Variants in PTPRN2 observed in about 807,000 individuals in gnomAD.
PTPRN2 encodes protein tyrosine phosphatase receptor type N2, also known as receptor-type tyrosine-protein phosphatase N2.
PTPRN2 carries 74 observed loss-of-function variants against 118.8 expected under a neutral mutation model. That is an observed-to-expected ratio of 0.62 (90% CI 0.52 to 0.76). The LOEUF is 0.76. Among genes scored for constraint, PTPRN2 ranks in the 30% least tolerant of loss-of-function variants. PTPRN2 has a pLI of 0.00. For missense variants in PTPRN2, 1,481 were observed against 1,394.4 expected (o/e 1.06, Z -0.99); for synonymous variants, 641 against 608.0 (o/e 1.05, Z -0.80).
At chr7:157,914,696 C>G (rs1331702733) in intron 11 of PTPRN2, among the ~76,000 whole-genome samples, 1 of 151,998 alleles carries the variant, frequency 6.6e-6, no homozygotes, top group Non-Finnish European at 1.5e-5. Flanking sequence ...TGCTGGAACA[C>G]TTATGAATCG....
At chr7:158,420,916 T>C (rs892020075) in intron 2 of PTPRN2, among the ~76,000 whole-genome samples, 5 of 152,220 alleles carry the variant, frequency 3.3e-5, no homozygotes, top group Admixed American at 1.3e-4. Context: ...CGGTTGTGGC[T>C]TACAGACGCC....
rs538127637 is a variant in PTPRN2 at position 158,102,185 on chromosome 7, C to A, written c.1643+8644G>T. ...ATGGCAGCCATCAGCAGCAGGGCGG[C>A]CAGGAGGGAACCTTCAGAAAACACT... On this transcript the variant is annotated intron_variant, in intron 10 of 22. Transcript: ENST00000389418. 8.5e-5 allele frequency among the ~76,000 whole-genome samples: 13 copies of A among 152,314 alleles called. No individual in the cohort carries two copies. The South Asian group carries it at 2.7e-3, about 32-fold the overall frequency.
intron 1 of PTPRN2, among the ~76,000 whole-genome samples, chr7:158,491,094 T>C (rs1317089144): frequency 2.0e-5 from 3 of 152,178 alleles, no homozygotes; most frequent in Non-Finnish European, 2.9e-5. Context: ...CTAAAACCCT[T>C]ACAGAGGAAG....
chr7:158,008,111 CTGTGTG>C (rs200139943), intron 11 of PTPRN2, among the ~76,000 whole-genome samples: 1 of 128,262 alleles, frequency 7.8e-6, no homozygotes, highest in Non-Finnish European at 1.6e-5. Context: ...TGGGGGTGTG[CTGTGTG>C]TGTGGGTGTG....
At chr7:157,989,975 C>T (rs1344674249) in intron 11 of PTPRN2, among the ~76,000 whole-genome samples, 1 of 152,130 alleles carries the variant, frequency 6.6e-6, no homozygotes, top group Non-Finnish European at 1.5e-5. Flanking sequence ...TGGGGGCTGC[C>T]AAATGCAGAG....
chr7:158,530,015 CT>C (rs1432683563), intron 1 of PTPRN2, among the ~76,000 whole-genome samples: 4 of 152,204 alleles, frequency 2.6e-5, no homozygotes, highest in Non-Finnish European at 5.9e-5. Context: ...ATGCACACCC[CT>C]AACTTAAGGC....
At chr7:158,367,835 T>G (rs1307434116) in intron 2 of PTPRN2, among the ~76,000 whole-genome samples, 1 of 152,154 alleles carries the variant, frequency 6.6e-6, no homozygotes, top group Non-Finnish European at 1.5e-5. Context: ...ATGAGTTCAT[T>G]TTCAAAAGAT....
chr7:157,894,220 A>G (rs1428512036), intron 12 of PTPRN2, among the ~76,000 whole-genome samples: 1 of 152,218 alleles, frequency 6.6e-6, no homozygotes, highest in Admixed American at 6.5e-5. Flanking sequence ...AGAGCACAGG[A>G]AGAAAGTGGA....
At chr7:158,317,526 C>T (rs1362537515) in intron 2 of PTPRN2, among the ~76,000 whole-genome samples, 1 of 152,242 alleles carries the variant, frequency 6.6e-6, no homozygotes, top group African/African-American at 2.4e-5. Flanking sequence ...GCAGACTCTG[C>T]TCATCAACAT....
At chr7:157,923,823 G>T (rs943876414) in intron 11 of PTPRN2, among the ~76,000 whole-genome samples, 1 of 152,224 alleles carries the variant, frequency 6.6e-6, no homozygotes, top group Non-Finnish European at 1.5e-5. Context: ...GGTCACACCC[G>T]AGATGGTTCT....
At chr7:158,520,764 A>G (rs1160292754) in intron 1 of PTPRN2, among the ~76,000 whole-genome samples, 2 of 152,228 alleles carry the variant, frequency 1.3e-5, no homozygotes, top group Non-Finnish European at 2.9e-5. Flanking sequence ...GCTGCTTATC[A>G]GAAAATCCTA....
At chr7:158,085,301 A>G (rs1315969769) in intron 10 of PTPRN2, among the ~76,000 whole-genome samples, 1 of 114,920 alleles carries the variant, frequency 8.7e-6, no homozygotes, top group African/African-American at 3.7e-5. Context: ...CACGACGCCC[A>G]TCCACACCCA....
intron 3 of PTPRN2, among the ~76,000 whole-genome samples, chr7:158,261,847 T>C (rs1003083231): frequency 2.1e-4 from 32 of 152,212 alleles, no homozygotes; most frequent in African/African-American, 7.5e-4. Context: ...ATTTCGAATA[T>C]TCTGACGGGG....
chr7:158,442,087 G>A (rs375168787), intron 2 of PTPRN2, among the ~76,000 whole-genome samples: 1,535 of 141,712 alleles, frequency 0.011, no homozygotes, highest in African/African-American at 0.039. Flanking sequence ...TGGTGGTGAT[G>A]GTGATAGTGA....
intron 10 of PTPRN2, 43 bp from the exon 11 acceptor site, chr7:158,081,420 C>T (rs375122681): frequency 3.4e-5 from 53 of 1,558,674 alleles, no homozygotes; most frequent in Middle Eastern, 3.4e-4. Flanking sequence ...GAAGTCTACG[C>T]GCCACACCGC....
Position 157,702,682 on chromosome 7 carries a change from C to T in PTPRN2, c.1789-19745G>A, listed in dbSNP as rs139363013. On this transcript the variant is annotated intron_variant, in intron 12 of 22. Transcript: ENST00000389418. ...CAGGCAGCAGCTCAGCTCACTGTTT[C>T]ATCTGTTGATCAGTCTACAGGTCCA... Among the ~76,000 whole-genome samples the T allele has an allele frequency of 2.6e-4, 39 of 152,372 alleles. No homozygotes were observed. In the East Asian group the frequency reaches 5.8e-3, roughly 23 times the overall value.
rs1234120450 is a variant in PTPRN2 at position 157,869,151 on chromosome 7, T to C, written c.1788+29522A>G. ...TTCTTTATTAAAATATCAAGGTCTT[T>C]CTACAAATCTTTCCTGATACCTCAA... On this transcript the variant is annotated intron_variant, in intron 12 of 22. Transcript: ENST00000389418. This position sits in a 1 kb window ranked among gnomAD's most constrained non-coding sequence, Gnocchi z 4.2. The C allele has an allele frequency of 6.6e-6, 1 of 152,226 alleles. No homozygotes were observed. Among genetic ancestry groups the C allele is most frequent in the Non-Finnish European group, 1.5e-5 (1 of 68,036 alleles). 9.4% of individuals were successfully genotyped at this position (152,226 alleles called of 1,614,324 possible).
At chr7:157,589,571 C>G (rs1364554641) in intron 17 of PTPRN2, among the ~76,000 whole-genome samples, 2 of 152,202 alleles carry the variant, frequency 1.3e-5, no homozygotes, top group Non-Finnish European at 2.9e-5. Context: ...AGCCTCCTCC[C>G]TAAGCGGCTT....
Position 157,596,227 on chromosome 7 carries a change from G to T in PTPRN2, c.2419-912C>A, listed in dbSNP as rs1410057695. On this transcript the variant is annotated intron_variant, in intron 16 of 22. Coordinates refer to ENST00000389418, the MANE Select transcript of PTPRN2 (RefSeq NM_002847.5). The surrounding 1 kb of genome is among the most constrained non-coding windows in gnomAD (Gnocchi z 4.2). ...CTGGAGTTAACTCGTTGTGTGTGGGGGCTTGTTTTTGTGTATCCTGGAAAG... is the reference window on the plus strand; with the variant it reads ...CTGGAGTTAACTCGTTGTGTGTGGGTGCTTGTTTTTGTGTATCCTGGAAAG... Among the ~76,000 whole-genome samples, 1 of 152,218 alleles carries T rather than the reference G, an allele frequency of 6.6e-6. No homozygotes were observed. The highest frequency in any genetic ancestry group is 1.5e-5 in the Non-Finnish European group (1 of 68,038).
Sources: allele counts gnomAD v4.1 joint callset (sites outside exome capture counted in the v4.1 genomes callset), GRCh38; gene constraint gnomAD v4.1.1; non-coding constraint Gnocchi (gnomAD v3.1); transcripts MANE v1.5; gene names NCBI Gene and HGNC (gene_info 2026-07-23, HGNC 2026-07-21).